Variants in EYS observed in about 807,000 individuals in gnomAD.
EYS encodes EGF-like photoreceptor maintenance factor.
A neutral mutation model predicts 282.1 loss-of-function variants in EYS; 250 were observed. The observed-to-expected ratio is 0.89, with a 90% CI of 0.80 to 0.98. The LOEUF is 0.98. Among genes scored for constraint, EYS ranks in the 50% least tolerant of loss-of-function variants. EYS has a pLI of 0.00. For synonymous variants in EYS, 1,355 were observed against 1,282.9 expected, an observed-to-expected ratio of 1.06 and a Z score of -1.20; for missense variants, 4,016 against 3,709.0, an observed-to-expected ratio of 1.08 and a Z score of -2.15.
At chr6:64,755,997 A>G (rs933085227) in intron 22 of EYS, among the ~76,000 whole-genome samples, 4 of 152,174 alleles carry the variant, frequency 2.6e-5, no homozygotes, top group African/African-American at 9.6e-5. Context: ...CATCAAAATA[A>G]TCACTTACAT....
At chr6:64,567,825 A>G (rs6913244) in intron 26 of EYS, among the ~76,000 whole-genome samples, 4,613 of 152,344 alleles carry the variant, frequency 0.03, 152 homozygotes, top group East Asian at 0.11. Context: ...ATGTTATAAT[A>G]GAGACCAGAT....
At chr6:64,442,114 G>C (rs2150468810) in intron 26 of EYS, among the ~76,000 whole-genome samples, 1 of 152,290 alleles carries the variant, frequency 6.6e-6, no homozygotes, top group South Asian at 2.1e-4. Context: ...TGCTGATAAT[G>C]ATATGGACAA....
At chr6:64,122,772 C>T (rs538681404) in intron 31 of EYS, among the ~76,000 whole-genome samples, 22 of 150,016 alleles carry the variant, frequency 1.5e-4, no homozygotes, top group Non-Finnish European at 2.8e-4. Flanking sequence ...ATTAATTCTT[C>T]GTAGACTATG....
At chr6:65,072,397 C>T (rs1411921377) in intron 12 of EYS, among the ~76,000 whole-genome samples, 1 of 151,732 alleles carries the variant, frequency 6.6e-6, no homozygotes, top group Admixed American at 6.6e-5. Flanking sequence ...AGACAGATTG[C>T]TGTGAATTGA....
intron 2 of EYS, among the ~76,000 whole-genome samples, chr6:65,514,490 T>G (rs1767039645): frequency 6.6e-6 from 1 of 152,204 alleles, no homozygotes; most frequent in Non-Finnish European, 1.5e-5. Flanking sequence ...AAGTCAATCC[T>G]AAGCCAAAAG....
intron 24 of EYS, among the ~76,000 whole-genome samples, chr6:64,596,352 T>C (rs1476986475): frequency 6.6e-6 from 1 of 152,140 alleles, no homozygotes; most frequent in African/African-American, 2.4e-5. Flanking sequence ...TTCAGAGAGA[T>C]AGGAAAAACA....
chr6:64,314,194 CA>C (rs138447983), intron 29 of EYS, among the ~76,000 whole-genome samples: 780 of 27,594 alleles, frequency 0.028, 6 homozygotes, highest in African/African-American at 0.094. Flanking sequence ...AAATGGAAAG[CA>C]AAAAAAAAAA....
intron 2 of EYS, among the ~76,000 whole-genome samples, chr6:65,609,173 A>G (rs1306746376): frequency 2.6e-5 from 4 of 152,024 alleles, no homozygotes; most frequent in African/African-American, 7.2e-5. Flanking sequence ...CACCACAAGC[A>G]TGTGACTAAT....
chr6:64,575,099 G>T (rs1765838332), intron 26 of EYS, among the ~76,000 whole-genome samples: 2 of 152,090 alleles, frequency 1.3e-5, no homozygotes, highest in Non-Finnish European at 2.9e-5. Context: ...ATAAGAGTGT[G>T]ATTGAAAATC....
intron 11 of EYS, among the ~76,000 whole-genome samples, chr6:65,327,885 A>T (rs1769668548): frequency 6.6e-6 from 1 of 151,506 alleles, no homozygotes; most frequent in South Asian, 2.1e-4. Context: ...AGGATGATGT[A>T]TTTTTTTCAA....
chr6:65,169,726 T>C (rs1383843981), intron 12 of EYS, among the ~76,000 whole-genome samples: 3 of 151,484 alleles, frequency 2.0e-5, no homozygotes, highest in Non-Finnish European at 3.0e-5. Context: ...GTATCCAAAC[T>C]TATGCTAAAT....
chr6:64,214,548 T>A (rs1215751931), intron 31 of EYS, among the ~76,000 whole-genome samples: 1 of 152,098 alleles, frequency 6.6e-6, no homozygotes. Context: ...TTCATGACAA[T>A]GCACATTCCA....
intron 22 of EYS, among the ~76,000 whole-genome samples, chr6:64,703,429 A>ATTTTTTTTTTT (rs1554194865): frequency 0.013 from 304 of 23,354 alleles, 54 homozygotes; most frequent in South Asian, 0.016. Context: ...ATATATATAT[A>ATTTTTTTTTTT]TTTTTTTTTT....
chr6:65,209,666 T>C (rs550206451), intron 12 of EYS, among the ~76,000 whole-genome samples: 1 of 152,024 alleles, frequency 6.6e-6, no homozygotes, highest in African/African-American at 2.4e-5. Flanking sequence ...ACCCAAAACA[T>C]ATAACATATA....
At chr6:64,527,262 C>A (rs139218880) in intron 26 of EYS, among the ~76,000 whole-genome samples, 2,469 of 151,736 alleles carry the variant, frequency 0.016, 23 homozygotes, top group South Asian at 0.036. Context: ...AGTTCTATTG[C>A]CTGTTTTAAA....
chr6:65,243,286 A>G (rs1323245979), intron 12 of EYS, among the ~76,000 whole-genome samples: 2 of 151,740 alleles, frequency 1.3e-5, no homozygotes, highest in African/African-American at 2.4e-5. Context: ...TTAGCCATTA[A>G]GATTTTGGTT....
At chr6:64,223,738 G>C (rs1582449485) in intron 31 of EYS, among the ~76,000 whole-genome samples, 1 of 151,662 alleles carries the variant, frequency 6.6e-6, no homozygotes, top group East Asian at 1.9e-4. Context: ...TTTATGTGTG[G>C]GTATACACGT....
intron 35 of EYS, among the ~76,000 whole-genome samples, chr6:63,967,744 T>C (rs568507905): frequency 2.4e-4 from 37 of 152,176 alleles, no homozygotes; most frequent in Non-Finnish European, 5.1e-4. Context: ...AAATCAGCCT[T>C]CACATTCTCT....
In EYS at chr6:65,616,615, G is replaced by A. The variant is rs192790459; in HGVS notation, c.-333+23163C>T. 2.5e-3 allele frequency among the ~76,000 whole-genome samples: 380 copies of A among 152,026 alleles called. 1 individual carries two copies. Among genetic ancestry groups the A allele is most frequent in the African/African-American group, 8.7e-3 (362 of 41,488 alleles). On this transcript the variant is annotated intron_variant, in intron 2 of 42. Coordinates refer to ENST00000503581, the MANE Select transcript of EYS (RefSeq NM_001142800.2). ...ATCCTGGCCAAAATGGTGAAACCCC[G>A]TGTCTACTAAAAATACAAAAATTTG... is the stretch of plus-strand genomic sequence containing the variant.
Sources: allele counts gnomAD v4.1 joint callset (sites outside exome capture counted in the v4.1 genomes callset), GRCh38; gene constraint gnomAD v4.1.1; transcripts MANE v1.5; gene names NCBI Gene and HGNC (gene_info 2026-07-23, HGNC 2026-07-21).